The following SMARCA2 variants were observed in gnomAD, a reference collection of about 807,000 sequenced individuals.
SMARCA2 encodes the protein SWI/SNF-related matrix-associated actin-dependent regulator of chromatin subfamily A member 2.
A neutral mutation model predicts 199.8 loss-of-function variants in SMARCA2; 61 were observed. The observed-to-expected ratio is 0.31, with a 90% CI of 0.25 to 0.38. The LOEUF is 0.38. Ranked by LOEUF, SMARCA2 falls within the 10% of genes least tolerant of loss-of-function variation. The pLI is 1.00. For missense variants in SMARCA2, 1,344 were observed against 2,012.2 expected, an observed-to-expected ratio of 0.67 and a Z score of 6.35; for synonymous variants, 935 against 732.0, an observed-to-expected ratio of 1.28 and a Z score of -4.48.
intron 12 of SMARCA2, among the ~76,000 whole-genome samples, chr9:2,074,477 G>T (rs1821233119): frequency 6.6e-6 from 1 of 152,084 alleles, no homozygotes; most frequent in Admixed American, 6.5e-5. Context: ...TCTATTTGTG[G>T]ACCTGTGTTT....
intron 28 of SMARCA2, among the ~76,000 whole-genome samples, chr9:2,167,873 A>G (rs1162210844): frequency 1.3e-5 from 2 of 151,928 alleles, no homozygotes; most frequent in South Asian, 2.1e-4. Context: ...TAGCTTTCCT[A>G]TGGGATATTA....
At position 2,181,704 on chromosome 9, in the gene SMARCA2, C is replaced by T. The variant is rs766150109; in HGVS notation, c.4359+28C>T. On this transcript the variant is annotated intron_variant, in intron 30 of 33. Coordinates refer to ENST00000349721, the MANE Select transcript of SMARCA2 (RefSeq NM_003070.5). ...AGATATTTTGTTTACCAACTTTATT[C>T]TTCAAGTAAATAAAGGAGCAGTGTA... 31 of 1,126,668 alleles carry T rather than the reference C, an allele frequency of 2.8e-5. No homozygotes were observed. The South Asian group carries it at 3.7e-4, about 14-fold the overall frequency. 69.8% of individuals were successfully genotyped at this position (1,126,668 alleles called of 1,614,324 possible).
chr9:2,108,857 C>T (rs1314855696), intron 23 of SMARCA2, among the ~76,000 whole-genome samples: 1 of 152,122 alleles, frequency 6.6e-6, no homozygotes, highest in African/African-American at 2.4e-5. Flanking sequence ...AATCTAAACT[C>T]GGACAGTTGA....
At chr9:2,103,582 A>T (rs753186494) in intron 22 of SMARCA2, among the ~76,000 whole-genome samples, 1 of 151,932 alleles carries the variant, frequency 6.6e-6, no homozygotes, top group Non-Finnish European at 1.5e-5. Flanking sequence ...TTAAAAATTT[A>T]AAAAGTTATA....
In SMARCA2 at chr9:2,170,608, G is replaced by A. The variant is rs1265760714; in HGVS notation, c.4253+136G>A. ...CTGATCACCCCTACTTGGAGAGCGG[G>A]ATAGAGGCACAGATACTCTTAAACA... On this transcript the variant is annotated intron_variant, in intron 29 of 33. Transcript: ENST00000349721. This position sits in a 1 kb window ranked among gnomAD's most constrained non-coding sequence, Gnocchi z 4.7. The A allele has an allele frequency of 2.8e-6, 4 of 1,407,328 alleles. No individual in the cohort carries two copies. The East Asian group carries it at 7.0e-5, about 25-fold the overall frequency. 87.2% of individuals were successfully genotyped at this position (1,407,328 alleles called of 1,614,324 possible).
At chr9:2,081,225 G>C (rs1412175020) in intron 14 of SMARCA2, among the ~76,000 whole-genome samples, 1 of 152,172 alleles carries the variant, frequency 6.6e-6, no homozygotes, top group Admixed American at 6.5e-5. Flanking sequence ...CAGTGTTTTT[G>C]TACTTCAGAA....
intron 14 of SMARCA2, among the ~76,000 whole-genome samples, chr9:2,080,547 G>C (rs1821523431): frequency 6.6e-6 from 1 of 152,174 alleles, no homozygotes; most frequent in African/African-American, 2.4e-5. Context: ...GTTGCAGGCT[G>C]ACAGCTTCTC....
Position 2,032,937 on chromosome 9 carries a change from C to T in SMARCA2, c.226-15C>T, listed in dbSNP as rs775878089. 5.6e-6 allele frequency: 9 copies of T among 1,611,930 alleles called. No individual in the cohort carries two copies. The South Asian group carries it at 9.9e-5, about 18-fold the overall frequency. On this transcript the variant is annotated splice_polypyrimidine_tract_variant and intron_variant, in intron 2 of 33. Transcript: ENST00000349721. ...CTTATAGAGGTGTCTAACTAATGTC[C>T]TTTAAATGTTTCAGCCCATCGATGG...
intron 1 of SMARCA2, among the ~76,000 whole-genome samples, chr9:2,018,371 C>G (rs1471553704): frequency 1.3e-5 from 2 of 151,998 alleles, no homozygotes; most frequent in Non-Finnish European, 2.9e-5. Context: ...TTTTCCTCCT[C>G]CCTAACCTGA....
At chr9:2,076,150 A>G in intron 12 of SMARCA2, 79 bp from the exon 13 acceptor site, 1 of 813,198 alleles carries the variant, frequency 1.2e-6, no homozygotes, top group South Asian at 1.5e-5. Flanking sequence ...ATACTAGTTT[A>G]TGTCTTTTCA....
Position 2,149,195 on chromosome 9 carries a change from C to T in SMARCA2, c.3982-12491C>T, listed in dbSNP as rs556252423. Reference sequence around the variant, plus strand: ...GCAAAAGGCACTTCTTACATGGTGGCGGCAAGAGAAAATGAGAGAGATGCA... The same window carrying T: ...GCAAAAGGCACTTCTTACATGGTGGTGGCAAGAGAAAATGAGAGAGATGCA... On this transcript the variant is annotated intron_variant, in intron 27 of 33. Coordinates refer to ENST00000349721, the MANE Select transcript of SMARCA2 (RefSeq NM_003070.5). Among the ~76,000 whole-genome samples, 151 of 151,036 alleles carry T rather than the reference C, an allele frequency of 1.0e-3. 1 individual carries two copies. The highest frequency in any genetic ancestry group is 3.3e-3 in the African/African-American group (135 of 41,282).
At chr9:2,058,706 G>A (rs1030251991) in intron 8 of SMARCA2, among the ~76,000 whole-genome samples, 3 of 152,146 alleles carry the variant, frequency 2.0e-5, no homozygotes, top group Non-Finnish European at 2.9e-5. Context: ...GTGGCATTGC[G>A]CGGTACACAT....
chr9:2,186,503 ATTTAT>A (rs1340934266), intron 32 of SMARCA2, among the ~76,000 whole-genome samples: 1 of 151,904 alleles, frequency 6.6e-6, no homozygotes, highest in Non-Finnish European at 1.5e-5. Context: ...TATTTCTTTT[ATTTAT>A]TTATTTTTGA....
intron 2 of SMARCA2, among the ~76,000 whole-genome samples, chr9:2,029,502 G>A (rs1489863117): frequency 6.6e-6 from 1 of 152,178 alleles, no homozygotes; most frequent in Admixed American, 6.5e-5. Context: ...AGTAGATCCT[G>A]TGATTTGTGG....
At chr9:2,131,645 A>G (rs887092861) in intron 27 of SMARCA2, among the ~76,000 whole-genome samples, 2 of 152,170 alleles carry the variant, frequency 1.3e-5, no homozygotes, top group African/African-American at 4.8e-5. Context: ...CTACTAAAAT[A>G]ATTTTGGGGT....
At chr9:2,191,618 T>C (rs910559138) in intron 33 of SMARCA2, 9 of 439,406 alleles carry the variant, frequency 2.0e-5, no homozygotes, top group Non-Finnish European at 3.2e-5. Context: ...TTTTTAATAG[T>C]CTTCAAAAAT....
chr9:2,159,625 A>G (rs1263467250), intron 27 of SMARCA2: 1 of 594,892 alleles, frequency 1.7e-6, no homozygotes. Flanking sequence ...ATAAGGGGAA[A>G]AAAATATGAT....
intron 28 of SMARCA2, chr9:2,162,661 G>T (rs927236038): frequency 1.3e-5 from 2 of 152,110 alleles, no homozygotes; most frequent in South Asian, 2.1e-4. Context: ...ATGGCTTCTC[G>T]TTTCAGTTGA....
chr9:2,182,092 A>T, intron 30 of SMARCA2, 49 bp from the exon 31 acceptor site: 1 of 1,198,674 alleles, frequency 8.3e-7, no homozygotes, highest in Non-Finnish European at 1.2e-6. Context: ...TGATCGCTGA[A>T]TTTTCCTCTC....
Sources: allele counts gnomAD v4.1 joint callset (sites outside exome capture counted in the v4.1 genomes callset), GRCh38; gene constraint gnomAD v4.1.1; non-coding constraint Gnocchi (gnomAD v3.1); transcripts MANE v1.5; gene names NCBI Gene and HGNC (gene_info 2026-07-23, HGNC 2026-07-21).